The following PYY variants were observed in gnomAD, a reference collection of about 807,000 sequenced individuals.
The protein encoded by PYY is peptide YY, also known as peptide tyrosine tyrosine.
Under a neutral mutation model 10.3 loss-of-function variants are expected in PYY, and 12 were observed. The observed-to-expected ratio is 1.17, with a 90% CI of 0.75 to 1.89. The LOEUF is 1.89. Ranked by LOEUF, PYY falls within the 40% of genes most tolerant of loss-of-function variation. The pLI is 0.00. For synonymous variants in PYY, 66 were observed against 62.0 expected (o/e 1.06, Z -0.30); for missense variants, 141 against 134.0 (o/e 1.05, Z -0.26).
chr17:43,976,099 A>G lies in PYY; in HGVS notation c.-462-9567T>C, dbSNP rs546496790. 4.1e-3 allele frequency among the ~76,000 whole-genome samples: 434 copies of G among 106,138 alleles called. 27 individuals are homozygous for G. Among genetic ancestry groups the G allele is most frequent in the African/African-American group, 0.016 (405 of 24,878 alleles). The allele number at this position is 106,138 out of a possible 152,430, so 69.6% of individuals were successfully genotyped here. ...TGTACATGTATACATGAATATGCAT[A>G]TATACGTGTATACATGTATACGTAT... On this transcript the variant is annotated intron_variant, in intron 1 of 6. Transcript: ENST00000360085.
chr17:44,002,990 T>G (rs2049039869), intron 1 of PYY, among the ~76,000 whole-genome samples: 1 of 152,214 alleles, frequency 6.6e-6, no homozygotes, highest in Non-Finnish European at 1.5e-5. Context: ...TGGAATGTAA[T>G]AACATTGTTT....
At chr17:43,967,578 G>A (rs1008910826) in intron 1 of PYY, among the ~76,000 whole-genome samples, 2 of 152,078 alleles carry the variant, frequency 1.3e-5, no homozygotes, top group Non-Finnish European at 2.9e-5. Context: ...TTTTGTCATC[G>A]GCCACATGTA....
intron 1 of PYY, among the ~76,000 whole-genome samples, chr17:43,991,886 C>G (rs1029326312): frequency 6.6e-6 from 1 of 150,922 alleles, no homozygotes; most frequent in Admixed American, 6.6e-5. Flanking sequence ...TCTGGGAGGC[C>G]GAGGCAGACG....
At chr17:43,967,986 A>G (rs1006158916) in intron 1 of PYY, among the ~76,000 whole-genome samples, 2 of 152,112 alleles carry the variant, frequency 1.3e-5, no homozygotes, top group Non-Finnish European at 2.9e-5. Context: ...TCTCTTCTTC[A>G]TTCTCCCGTG....
At chr17:43,972,176 A>AT (rs1555617849) in intron 1 of PYY, among the ~76,000 whole-genome samples, 17 of 142,166 alleles carry the variant, frequency 1.2e-4, no homozygotes, top group East Asian at 1.0e-3. Flanking sequence ...TTAGTTATTT[A>AT]TTTATTTTAT....
At chr17:43,969,298 T>G (rs1172897739) in intron 1 of PYY, among the ~76,000 whole-genome samples, 1 of 151,204 alleles carries the variant, frequency 6.6e-6, no homozygotes, top group Admixed American at 6.6e-5. Context: ...GGTGGATCAC[T>G]TGAGGTCAGG....
chr17:43,991,618 C>T (rs974289443), intron 1 of PYY, among the ~76,000 whole-genome samples: 11 of 152,126 alleles, frequency 7.2e-5, no homozygotes, highest in Admixed American at 6.6e-4. Context: ...CCAGTAATGT[C>T]ATTAAAATAT....
chr17:43,995,912 T>G (rs536641866), intron 1 of PYY, among the ~76,000 whole-genome samples: 4 of 151,928 alleles, frequency 2.6e-5, no homozygotes, highest in African/African-American at 4.8e-5. Context: ...CCCAACACTT[T>G]GGGAGGCCAA....
At chr17:43,963,590 G>GAA (rs747666011) in intron 2 of PYY, among the ~76,000 whole-genome samples, 4 of 64,706 alleles carry the variant, frequency 6.2e-5, no homozygotes, top group Admixed American at 2.0e-4. Flanking sequence ...AAGAAAGAAA[G>GAA]AAAGAAAGAA....
intron 1 of PYY, among the ~76,000 whole-genome samples, chr17:43,999,052 G>A (rs779684740): frequency 6.6e-6 from 1 of 152,130 alleles, no homozygotes; most frequent in Non-Finnish European, 1.5e-5. Flanking sequence ...AAGGACCAAG[G>A]CCTGAGCTCT....
chr17:43,996,298 C>G (rs2048991853), intron 1 of PYY, among the ~76,000 whole-genome samples: 1 of 152,082 alleles, frequency 6.6e-6, no homozygotes, highest in African/African-American at 2.4e-5. Context: ...CTTGTCCAGC[C>G]CCCAGCTGGA....
intron 1 of PYY, among the ~76,000 whole-genome samples, chr17:44,000,846 C>G (rs891369602): frequency 7.9e-5 from 12 of 152,096 alleles, no homozygotes; most frequent in African/African-American, 2.9e-4. Flanking sequence ...TGAGCCACCA[C>G]ACCTGGCCTA....
intron 1 of PYY, among the ~76,000 whole-genome samples, chr17:43,995,039 T>C (rs2048982202): frequency 6.6e-6 from 1 of 152,202 alleles, no homozygotes; most frequent in African/African-American, 2.4e-5. Flanking sequence ...TACCCGGGAC[T>C]ACCCGAGACT....
chr17:43,963,685 A>G (rs906093841), intron 2 of PYY, among the ~76,000 whole-genome samples: 7 of 151,846 alleles, frequency 4.6e-5, no homozygotes, highest in African/African-American at 1.5e-4. Flanking sequence ...AATAACCCTG[A>G]CCAGGTGCAG....
intron 2 of PYY, among the ~76,000 whole-genome samples, chr17:43,963,036 T>C (rs909614701): frequency 5.9e-5 from 9 of 152,124 alleles, no homozygotes; most frequent in Admixed American, 5.9e-4. Context: ...CAGAAAAAGC[T>C]CAGACCAAAG....
At chr17:43,990,944 G>A in intron 1 of PYY, among the ~76,000 whole-genome samples, 1 of 151,522 alleles carries the variant, frequency 6.6e-6, no homozygotes, top group East Asian at 2.0e-4. Flanking sequence ...ACAGGCGCCC[G>A]CCACCACGCC....
chr17:43,990,156 G>A (rs1467204889), intron 1 of PYY, among the ~76,000 whole-genome samples: 2 of 151,588 alleles, frequency 1.3e-5, no homozygotes, highest in Non-Finnish European at 2.9e-5. Flanking sequence ...GCAGCTTCTC[G>A]ACGGGGCGAG....
upstream of PYY, among the ~76,000 whole-genome samples, chr17:43,954,736 G>A (rs2048660905): frequency 6.6e-6 from 1 of 152,168 alleles, no homozygotes. Flanking sequence ...GAGCACTGGT[G>A]TCTTCTGGGC....
At chr17:43,982,644 G>GT (rs1272591489) in intron 1 of PYY, among the ~76,000 whole-genome samples, 3 of 152,238 alleles carry the variant, frequency 2.0e-5, no homozygotes, top group Non-Finnish European at 4.4e-5. Context: ...AGGAACAGTC[G>GT]TGACTGGACA....
Sources: allele counts gnomAD v4.1 joint callset (sites outside exome capture counted in the v4.1 genomes callset), GRCh38; gene constraint gnomAD v4.1.1; transcripts MANE v1.5; gene names NCBI Gene and HGNC (gene_info 2026-07-23, HGNC 2026-07-21).